Variants in MRAP2 observed in about 807,000 individuals in gnomAD.
The protein encoded by MRAP2 is melanocortin-2 receptor accessory protein 2.
A neutral mutation model predicts 17.4 loss-of-function variants in MRAP2; 20 were observed. The observed-to-expected ratio is 1.15, with a 90% confidence interval of 0.81 to 1.67. The LOEUF (loss-of-function observed/expected upper bound fraction) is 1.67. MRAP2 is among the 40% of genes most tolerant of loss of function. The pLI is 0.00. For missense variants in MRAP2, 238 were observed against 240.0 expected (o/e 0.99, Z 0.05); for synonymous variants, 96 against 88.4 (o/e 1.09, Z -0.48).
intron 1 of MRAP2, among the ~76,000 whole-genome samples, chr6:84,037,788 A>G (rs557544309): frequency 0.012 from 1,888 of 152,028 alleles, 46 homozygotes; most frequent in African/African-American, 0.043. Context: ...CCTAGAACTC[A>G]CGCTGGCCAG....
intron 1 of MRAP2, among the ~76,000 whole-genome samples, chr6:84,040,295 G>A (rs1427091135): frequency 1.3e-5 from 2 of 152,206 alleles, no homozygotes; most frequent in African/African-American, 4.8e-5. Flanking sequence ...GGAGCTGTGA[G>A]TCAATTAAAC....
At chr6:84,066,760 C>T (rs980650592) in intron 3 of MRAP2, among the ~76,000 whole-genome samples, 8 of 152,186 alleles carry the variant, frequency 5.3e-5, no homozygotes, top group African/African-American at 1.7e-4. Flanking sequence ...AATGTAGAGT[C>T]AAACCTCAAA....
chr6:84,084,792 G>A (rs988120810), intron 3 of MRAP2, among the ~76,000 whole-genome samples: 1 of 152,036 alleles, frequency 6.6e-6, no homozygotes, highest in African/African-American at 2.4e-5. Flanking sequence ...ACCAGGAAAA[G>A]CCATGTGGCC....
At chr6:84,066,007 A>G (rs951156097) in intron 3 of MRAP2, among the ~76,000 whole-genome samples, 2 of 125,702 alleles carry the variant, frequency 1.6e-5, no homozygotes, top group Admixed American at 7.4e-5. Flanking sequence ...CTTTATAAAC[A>G]CACACACACA....
the MRAP2 span, among the ~76,000 whole-genome samples, chr6:84,104,847 T>C: frequency 6.6e-6 from 1 of 152,034 alleles, no homozygotes. Flanking sequence ...CAGCCTGGGC[T>C]ACAGAGCAAG....
At chr6:84,073,359 T>C (rs1214087200) in intron 3 of MRAP2, among the ~76,000 whole-genome samples, 1 of 152,224 alleles carries the variant, frequency 6.6e-6, no homozygotes, top group Non-Finnish European at 1.5e-5. Context: ...TCAGTTTCTC[T>C]AGTGGGGATG....
chr6:84,069,654 T>C (rs1434500317), intron 3 of MRAP2, among the ~76,000 whole-genome samples: 1 of 152,186 alleles, frequency 6.6e-6, no homozygotes, highest in Non-Finnish European at 1.5e-5. Context: ...TGTGGAATAG[T>C]GTCAAAAGGA....
At chr6:84,112,009 TA>T in the MRAP2 span, among the ~76,000 whole-genome samples, 126 of 152,328 alleles carry the variant, frequency 8.3e-4, no homozygotes, top group African/African-American at 2.7e-3. Context: ...GGTTTGTGAA[TA>T]TTTTTTTGAG....
intron 1 of MRAP2, among the ~76,000 whole-genome samples, chr6:84,038,695 A>G (rs1174903165): frequency 2.0e-5 from 3 of 151,890 alleles, no homozygotes; most frequent in South Asian, 2.1e-4. Context: ...TGGTTTTGCT[A>G]TGTTGCCCAG....
chr6:84,046,781 A>G (rs1158675835), intron 1 of MRAP2, among the ~76,000 whole-genome samples: 1 of 95,892 alleles, frequency 1.0e-5, no homozygotes, highest in Non-Finnish European at 2.1e-5. Context: ...ACTCCATCTC[A>G]AAAAAAAAAA....
In MRAP2 at chr6:84,061,552, T is replaced by C. The variant is rs576810403; in HGVS notation, c.128-1341T>C. Among the ~76,000 whole-genome samples, 10 of 152,294 alleles carry C rather than the reference T, an allele frequency of 6.6e-5. No individual in the cohort carries two copies. In the South Asian group the frequency reaches 1.9e-3, roughly 28 times the overall value. ...AAGGAGGGAGACAACACATCAATTA[T>C]GGAAATTAGTTGAGGCTTAGTAGAT... On this transcript the variant is annotated intron_variant, in intron 2 of 3. Coordinates refer to ENST00000257776, the MANE Select transcript of MRAP2 (RefSeq NM_138409.4).
At chr6:84,061,992 G>A in intron 2 of MRAP2, 1 of 979,268 alleles carries the variant, frequency 1.0e-6, no homozygotes, top group Non-Finnish European at 1.2e-6. Flanking sequence ...GCAGAAGGCA[G>A]AGAGAGCACT....
chr6:84,063,471 G>A (rs1447472308), intron 3 of MRAP2: 3 of 964,412 alleles, frequency 3.1e-6, no homozygotes, highest in Non-Finnish European at 3.7e-6. Context: ...ATTTAACAGA[G>A]TTTTCTTAAA....
At chr6:84,074,624 G>A (rs1310586024) in intron 3 of MRAP2, among the ~76,000 whole-genome samples, 4 of 152,136 alleles carry the variant, frequency 2.6e-5, no homozygotes, top group African/African-American at 9.7e-5. Context: ...CCTGTGCCCT[G>A]ACTCCCTGTG....
the MRAP2 span, among the ~76,000 whole-genome samples, chr6:84,111,112 A>G: frequency 6.6e-6 from 1 of 152,116 alleles, no homozygotes; most frequent in African/African-American, 2.4e-5. Flanking sequence ...TATGAAATTT[A>G]AAGTATTTTT....
chr6:84,120,629 G>C, the MRAP2 span, among the ~76,000 whole-genome samples: 7,461 of 151,970 alleles, frequency 0.049, 230 homozygotes, highest in Admixed American at 0.088. Flanking sequence ...ATATAGAATC[G>C]TCATCAAAAT....
intron 3 of MRAP2, among the ~76,000 whole-genome samples, chr6:84,084,488 A>G (rs949876508): frequency 3.9e-5 from 6 of 152,240 alleles, no homozygotes; most frequent in African/African-American, 1.4e-4. Context: ...TAGTCAGACA[A>G]ACCTAGATTT....
At chr6:84,033,741 G>A (rs1023100439), upstream of MRAP2, 14 of 985,474 alleles carry the variant, frequency 1.4e-5, no homozygotes, top group African/African-American at 1.7e-4. Context: ...TCGGGAGCGC[G>A]CGTCTCCGCC....
At chr6:84,128,446 G>C in the MRAP2 span, among the ~76,000 whole-genome samples, 1 of 151,954 alleles carries the variant, frequency 6.6e-6, no homozygotes, top group Admixed American at 6.6e-5. Context: ...CAACAATAGG[G>C]GATTTGTGAA....
Sources: allele counts gnomAD v4.1 joint callset (sites outside exome capture counted in the v4.1 genomes callset), GRCh38; gene constraint gnomAD v4.1.1; transcripts MANE v1.5; gene names NCBI Gene and HGNC (gene_info 2026-07-23, HGNC 2026-07-21).